Variants in CNBD1 observed in about 807,000 individuals in gnomAD.
CNBD1 encodes the protein cyclic nucleotide-binding domain-containing protein 1.
In CNBD1, 71 loss-of-function variants were observed where a neutral mutation model predicts 54.4. The ratio of observed to expected loss-of-function variants is 1.30; its 90% confidence interval spans 1.08 to 1.59. CNBD1 has a LOEUF of 1.59. Ranked by LOEUF, CNBD1 falls within the 40% of genes most tolerant of loss-of-function variation. CNBD1 has a pLI of 0.00. For synonymous variants in CNBD1, 182 were observed against 170.7 expected (o/e 1.07, Z -0.51); for missense variants, 659 against 518.0 (o/e 1.27, Z -2.64).
intron 4 of CNBD1, among the ~76,000 whole-genome samples, chr8:87,070,745 T>C (rs1470704411): frequency 6.6e-6 from 1 of 152,112 alleles, no homozygotes; most frequent in East Asian, 1.9e-4. Context: ...TCAAAGGTAA[T>C]TACCTTGCTT....
At chr8:87,226,192 C>T (rs889790396) in intron 5 of CNBD1, among the ~76,000 whole-genome samples, 1 of 151,970 alleles carries the variant, frequency 6.6e-6, no homozygotes, top group East Asian at 1.9e-4. Context: ...AAAAAACCAG[C>T]TCCTGGATTC....
At chr8:86,919,463 G>A (rs1293391215) in intron 3 of CNBD1, among the ~76,000 whole-genome samples, 1 of 152,130 alleles carries the variant, frequency 6.6e-6, no homozygotes, top group African/African-American at 2.4e-5. Context: ...TTTGCAAATG[G>A]TGTGATAAAA....
chr8:87,381,461 A>C (rs986372893), intron 10 of CNBD1, among the ~76,000 whole-genome samples: 5 of 152,010 alleles, frequency 3.3e-5, no homozygotes, highest in Admixed American at 6.6e-5. Flanking sequence ...ACTATGGAAA[A>C]CAGAATGGAA....
At chr8:87,215,331 A>G (rs1042890734) in intron 5 of CNBD1, among the ~76,000 whole-genome samples, 1 of 152,154 alleles carries the variant, frequency 6.6e-6, no homozygotes, top group African/African-American at 2.4e-5. Context: ...ATATGAGGTA[A>G]GGGACATTAT....
intron 4 of CNBD1, among the ~76,000 whole-genome samples, chr8:87,147,230 T>G (rs1812508251): frequency 6.6e-6 from 1 of 152,124 alleles, no homozygotes; most frequent in Non-Finnish European, 1.5e-5. Flanking sequence ...TATTATTTAT[T>G]TTTATCTCTG....
At chr8:87,159,927 CT>C (rs34423333) in intron 4 of CNBD1, among the ~76,000 whole-genome samples, 7,011 of 146,690 alleles carry the variant, frequency 0.048, 208 homozygotes, top group African/African-American at 0.063. Flanking sequence ...AGATACATAG[CT>C]TTTTTTTTTT....
chr8:87,119,921 A>G (rs1811856924), intron 4 of CNBD1, among the ~76,000 whole-genome samples: 1 of 152,118 alleles, frequency 6.6e-6, no homozygotes, highest in Non-Finnish European at 1.5e-5. Flanking sequence ...CATCCCTGGC[A>G]TAAATACCAC....
Position 87,236,917 on chromosome 8 carries a change from A to G in CNBD1, c.578-2A>G, listed in dbSNP as rs1447023525. 9 of 1,581,542 alleles carry G rather than the reference A, an allele frequency of 5.7e-6. No homozygotes were observed. Among genetic ancestry groups the G allele is most frequent in the Non-Finnish European group, 7.7e-6 (9 of 1,162,996 alleles). On this transcript the variant is annotated splice_acceptor_variant, in intron 5 of 10. Coordinates refer to ENST00000518476, the MANE Select transcript of CNBD1 (RefSeq NM_173538.3). LOFTEE classifies it high-confidence loss of function. ...TATATTTTTTGGCTTTGTTTTTTTC[A>G]GTGGTTGCAAATGATGGATTTTATG...
At chr8:87,311,917 G>C (rs1418891644) in intron 8 of CNBD1, among the ~76,000 whole-genome samples, 1 of 152,048 alleles carries the variant, frequency 6.6e-6, no homozygotes, top group Non-Finnish European at 1.5e-5. Flanking sequence ...ACATAAAGGT[G>C]CCAACTGTAG....
At chr8:87,127,817 G>C (rs535128049) in intron 4 of CNBD1, among the ~76,000 whole-genome samples, 2 of 152,180 alleles carry the variant, frequency 1.3e-5, no homozygotes, top group South Asian at 4.1e-4. Flanking sequence ...GGGTAGAAGA[G>C]GATGGTTCCC....
At chr8:87,391,524 A>G (rs1048057752) in intron 2 of CNBD1, among the ~76,000 whole-genome samples, 2 of 152,118 alleles carry the variant, frequency 1.3e-5, no homozygotes, top group Non-Finnish European at 2.9e-5. Context: ...ATATAATTGA[A>G]TGTCCATAAA....
chr8:87,372,264 A>T (rs1450037644), intron 10 of CNBD1, among the ~76,000 whole-genome samples: 1 of 151,982 alleles, frequency 6.6e-6, no homozygotes, highest in African/African-American at 2.4e-5. Flanking sequence ...AAAAATACCT[A>T]GTGCTGCTTT....
chr8:86,929,405 G>A (rs769336248), intron 3 of CNBD1, among the ~76,000 whole-genome samples: 5 of 152,182 alleles, frequency 3.3e-5, no homozygotes, highest in Non-Finnish European at 5.9e-5. Context: ...TGGTCCCTGG[G>A]GGAAGAGGCT....
At chr8:86,887,666 G>T in intron 2 of CNBD1, 55 bp downstream of exon 2, 1 of 1,259,202 alleles carries the variant, frequency 7.9e-7, no homozygotes, top group Non-Finnish European at 1.1e-6. Flanking sequence ...GAGTATTTTT[G>T]TTTTAGGGAT....
At chr8:87,234,671 A>G (rs1308210191) in intron 5 of CNBD1, among the ~76,000 whole-genome samples, 1 of 152,160 alleles carries the variant, frequency 6.6e-6, no homozygotes, top group Non-Finnish European at 1.5e-5. Flanking sequence ...CAGGCAGAGT[A>G]GATTTAGCAT....
At chr8:87,389,243 C>A (rs1421617182) in intron 2 of CNBD1, among the ~76,000 whole-genome samples, 1 of 152,150 alleles carries the variant, frequency 6.6e-6, no homozygotes, top group Non-Finnish European at 1.5e-5. Context: ...GTTGGAAGTT[C>A]TGGCCAGGGC....
chr8:87,027,374 T>C (rs112126349), intron 4 of CNBD1, among the ~76,000 whole-genome samples: 4,600 of 152,152 alleles, frequency 0.03, 238 homozygotes, highest in African/African-American at 0.1. Context: ...TGGGTTCAAG[T>C]GATTTTCCTG....
intron 5 of CNBD1, among the ~76,000 whole-genome samples, chr8:87,224,537 A>G (rs1196817132): frequency 6.6e-6 from 1 of 151,126 alleles, no homozygotes; most frequent in African/African-American, 2.5e-5. Context: ...AGGTTTGTCA[A>G]AGATCAGATA....
intron 2 of CNBD1, among the ~76,000 whole-genome samples, chr8:87,405,652 T>A (rs1438668455): frequency 6.6e-6 from 1 of 152,092 alleles, no homozygotes; most frequent in Non-Finnish European, 1.5e-5. Context: ...ATGGAAGGAA[T>A]AAAGTATGTC....
Sources: allele counts gnomAD v4.1 joint callset (sites outside exome capture counted in the v4.1 genomes callset), GRCh38; gene constraint gnomAD v4.1.1; transcripts MANE v1.5; gene names NCBI Gene and HGNC (gene_info 2026-07-23, HGNC 2026-07-21).